The following NCMAP variants were observed in gnomAD, a reference collection of about 807,000 sequenced individuals.
The protein encoded by NCMAP is noncompact myelin-associated protein.
In NCMAP, 8 loss-of-function variants were observed where a neutral mutation model predicts 7.8. The ratio of observed to expected loss-of-function variants is 1.02; its 90% CI spans 0.60 to 1.84. The LOEUF (loss-of-function observed/expected upper bound fraction) is 1.84. Ranked by LOEUF, NCMAP falls within the 40% of genes most tolerant of loss-of-function variation. The probability of loss-of-function intolerance (pLI) is 0.00; values close to 1 mark genes in which losing one functional copy is unlikely to be tolerated. For synonymous variants in NCMAP, 41 were observed against 52.9 expected (o/e 0.78, Z 0.98); for missense variants, 112 against 131.4 (o/e 0.85, Z 0.72).
chr1:24,587,996 AAAAG>A (rs1651941939), intron 1 of NCMAP, among the ~76,000 whole-genome samples: 1 of 151,906 alleles, frequency 6.6e-6, no homozygotes, highest in South Asian at 2.1e-4. Context: ...TTTAATAGGC[AAAAG>A]AAAGAGAAAG....
intron 1 of NCMAP, among the ~76,000 whole-genome samples, chr1:24,595,031 G>A (rs1381669548): frequency 2.9e-5 from 2 of 69,326 alleles, no homozygotes; most frequent in East Asian, 1.3e-3. Flanking sequence ...GCCCACTGGA[G>A]TGGGAGGTTG....
At chr1:24,568,956 G>A (rs1651306938) in intron 1 of NCMAP, among the ~76,000 whole-genome samples, 1 of 152,008 alleles carries the variant, frequency 6.6e-6, no homozygotes, top group Admixed American at 6.6e-5. Context: ...CCCAGAGCAT[G>A]CTAGTTTCTT....
intron 1 of NCMAP, among the ~76,000 whole-genome samples, chr1:24,573,664 G>A (rs1042277795): frequency 2.0e-5 from 3 of 150,480 alleles, no homozygotes; most frequent in Admixed American, 6.6e-5. Flanking sequence ...CCGGCCAGGT[G>A]CAGCGGCTCA....
chr1:24,561,728 T>A (rs2148924604), intron 1 of NCMAP, among the ~76,000 whole-genome samples: 1 of 152,244 alleles, frequency 6.6e-6, no homozygotes, highest in South Asian at 2.1e-4. Flanking sequence ...CTGGCCAACA[T>A]AGTGAAACCC....
intron 1 of NCMAP, among the ~76,000 whole-genome samples, chr1:24,585,748 A>G (rs1194697186): frequency 6.6e-6 from 1 of 152,104 alleles, no homozygotes; most frequent in Non-Finnish European, 1.5e-5. Context: ...CACCGGTCCC[A>G]TCAGGACTTT....
rs1652714215 is a variant in NCMAP at position 24,606,019 on chromosome 1, AT to A, written c.*273del. ...GTAGAGCTATGTTGGGAATCCACCA[AT>A]GTGGGCTTGGCTTTCCCCCACACTG... is the stretch of plus-strand genomic sequence containing the variant. On this transcript the variant is annotated 3_prime_UTR_variant, in exon 4 of 4. Transcript: ENST00000374392. 9.7e-6 allele frequency: 4 copies of A among 414,408 alleles called. No individual in the cohort carries two copies. Among genetic ancestry groups the A allele is most frequent in the Non-Finnish European group, 1.8e-5 (4 of 228,180 alleles). 25.7% of individuals were successfully genotyped at this position (414,408 alleles called of 1,614,324 possible).
intron 2 of NCMAP, among the ~76,000 whole-genome samples, chr1:24,597,625 A>G (rs866282148): frequency 1.3e-4 from 13 of 97,908 alleles, no homozygotes; most frequent in East Asian, 6.7e-4. Flanking sequence ...AAGAGAAAGA[A>G]AGAAAGAAAG....
chr1:24,605,844 C>A lies in NCMAP; in HGVS notation c.*97C>A. The A allele has an allele frequency of 7.0e-7, 1 of 1,432,578 alleles. No homozygotes were observed. Among genetic ancestry groups the A allele is most frequent in the Non-Finnish European group, 9.6e-7 (1 of 1,041,934 alleles). 88.7% of individuals were successfully genotyped at this position (1,432,578 alleles called of 1,614,324 possible). ...CTGGCAGCTTCACAATGAGCTTCTT[C>A]TGGTCAGGTCGACAGAGACATCTTT... is the stretch of plus-strand genomic sequence containing the variant. On this transcript the variant is annotated 3_prime_UTR_variant, in exon 4 of 4. Coordinates refer to ENST00000374392, the MANE Select transcript of NCMAP (RefSeq NM_001010980.5).
chr1:24,599,295 AAAAC>A (rs1244455565), intron 2 of NCMAP, among the ~76,000 whole-genome samples: 2 of 151,732 alleles, frequency 1.3e-5, no homozygotes, highest in Non-Finnish European at 2.9e-5. Flanking sequence ...AAAAAAAAAA[AAAAC>A]AAGAAAGAAA....
chr1:24,573,202 C>T (rs545212815), intron 1 of NCMAP, among the ~76,000 whole-genome samples: 4 of 150,904 alleles, frequency 2.7e-5, no homozygotes, highest in South Asian at 4.1e-4. Context: ...ACTCATATCA[C>T]GTTGAAACCA....
chr1:24,605,697 C>A lies in NCMAP; in HGVS notation c.259C>A (p.Pro87Thr), dbSNP rs1490890345. 6.2e-7 allele frequency: 1 copy of A among 1,614,168 alleles called. No homozygotes were observed. Among genetic ancestry groups the A allele is most frequent in the Admixed American group, 1.7e-5 (1 of 60,024 alleles). ...CCCAAACAGCAACGGCAGCCAACAC[C>A]CAGCAACTGTGACCTTCAGTCCTGT... ...VGPNSNGSQHPATVTFSPVDV... is the reference protein window; with the variant it reads ...VGPNSNGSQHTATVTFSPVDV... The change falls in exon 4 of 4, where the codon CCA becomes ACA. Residue 87 changes from proline to threonine, a missense_variant. By Grantham distance (38) the Pro-to-Thr change is conservative. Transcript: ENST00000374392.
At chr1:24,557,355 T>C (rs889881097) in intron 1 of NCMAP, among the ~76,000 whole-genome samples, 1 of 152,000 alleles carries the variant, frequency 6.6e-6, no homozygotes, top group Non-Finnish European at 1.5e-5. Flanking sequence ...AGCAACAGAT[T>C]ATAGGCACCC....
intron 1 of NCMAP, among the ~76,000 whole-genome samples, chr1:24,567,097 C>T (rs1468453555): frequency 1.3e-5 from 2 of 152,158 alleles, no homozygotes; most frequent in South Asian, 2.1e-4. Flanking sequence ...GAGAGTTAAG[C>T]GTATATTCGG....
intron 1 of NCMAP, among the ~76,000 whole-genome samples, chr1:24,558,701 A>T (rs559922462): frequency 6.6e-6 from 1 of 152,222 alleles, no homozygotes; most frequent in Non-Finnish European, 1.5e-5. Context: ...CTCTACAGGG[A>T]GCGGAGCGCA....
chr1:24,563,398 G>C (rs144476524), intron 1 of NCMAP, among the ~76,000 whole-genome samples: 1 of 152,144 alleles, frequency 6.6e-6, no homozygotes, highest in East Asian at 1.9e-4. Context: ...GTGCATGCCT[G>C]TAATCCCAGC....
In NCMAP at chr1:24,595,438, C is replaced by A; in HGVS notation, c.8C>A (p.Thr3Lys). The change falls in exon 2 of 4, where the codon ACA becomes AAA. Residue 3 changes from threonine (T) to lysine (K), a missense_variant. Thr to Lys is a moderately conservative substitution (Grantham distance 78). Coordinates refer to ENST00000374392, the MANE Select transcript of NCMAP (RefSeq NM_001010980.5). Reference protein sequence around the residue: MTTATPLGDTTFF... With the variant: MTKATPLGDTTFF... ...TTTCTCATCAGGATCGAGATGACCA[C>A]AGCCACCCCTCTGGGGGATACCACC... 6.2e-7 allele frequency: 1 copy of A among 1,613,226 alleles called. No individual in the cohort carries two copies. The highest frequency in any genetic ancestry group is 1.1e-5 in the South Asian group (1 of 91,062).
Position 24,587,404 on chromosome 1 carries a change from T to C in NCMAP, c.-7-8020T>C, listed in dbSNP as rs77551748. On this transcript the variant is annotated intron_variant, in intron 1 of 3. Transcript: ENST00000374392. ...TACAGACAACTACTATCGCCACCTA[T>C]TGGTGGGAGGTAACATTGATGTGGT... 5.6e-3 allele frequency among the ~76,000 whole-genome samples: 855 copies of C among 152,338 alleles called. 4 individuals are homozygous for C. Among genetic ancestry groups the C allele is most frequent in the African/African-American group, 0.019 (804 of 41,568 alleles).
chr1:24,576,985 A>C lies in NCMAP; in HGVS notation c.-7-18439A>C, dbSNP rs1211517217. ...TCTACTAAAAGCACACACACACAAA[A>C]AAATTAGCTGGGCGTGGTGGTGCAT... On this transcript the variant is annotated intron_variant, in intron 1 of 3. Transcript: ENST00000374392. This position sits in a 1 kb window ranked among gnomAD's most constrained non-coding sequence, Gnocchi z 4.0. Among the ~76,000 whole-genome samples the C allele has an allele frequency of 6.6e-6, 1 of 151,920 alleles. No homozygotes were observed. Among genetic ancestry groups the C allele is most frequent in the Non-Finnish European group, 1.5e-5 (1 of 67,996 alleles).
At chr1:24,563,131 G>T (rs1050402626) in intron 1 of NCMAP, among the ~76,000 whole-genome samples, 10 of 152,240 alleles carry the variant, frequency 6.6e-5, no homozygotes, top group African/African-American at 2.4e-4. Flanking sequence ...TATACTTAAG[G>T]AGATAAAGGA....
Sources: allele counts gnomAD v4.1 joint callset (sites outside exome capture counted in the v4.1 genomes callset), GRCh38; gene constraint gnomAD v4.1.1; non-coding constraint Gnocchi (gnomAD v3.1); transcripts MANE v1.5; gene names NCBI Gene and HGNC (gene_info 2026-07-23, HGNC 2026-07-21).